The following RNF212B variants were observed in gnomAD, a reference collection of about 807,000 sequenced individuals.
RNF212B encodes ring finger protein 212B, also known as E3 ubiquitin-protein ligase RNF212B.
RNF212B carries 52 observed loss-of-function variants against 55.5 expected under a neutral mutation model. That is an observed-to-expected ratio of 0.94 (90% confidence interval 0.75 to 1.18). The LOEUF (loss-of-function observed/expected upper bound fraction) is 1.18, where lower values mean the gene tolerates loss of function less well. Among genes scored for constraint, RNF212B ranks in the 50% most tolerant of loss-of-function variants. RNF212B has a pLI of 0.00. For synonymous variants in RNF212B, 99 were observed against 121.4 expected (o/e 0.82, Z 1.21); for missense variants, 289 against 350.4 (o/e 0.82, Z 1.40).
chr14:23,237,542 C>T (rs2140429724), upstream of RNF212B, among the ~76,000 whole-genome samples: 1 of 152,270 alleles, frequency 6.6e-6, no homozygotes, highest in East Asian at 1.9e-4. Context: ...TCCGATTTTA[C>T]GCTATTCTTT....
intron 1 of RNF212B, chr14:23,185,606 AACGAT>A (rs1167977802): frequency 2.8e-5 from 2 of 71,780 alleles, no homozygotes; most frequent in Non-Finnish European, 9.0e-5. Flanking sequence ...GCAAACTGAT[AACGAT>A]ATGGTAAGCT....
intron 2 of RNF212B, among the ~76,000 whole-genome samples, chr14:23,194,845 A>G (rs1878498459): frequency 6.6e-6 from 1 of 152,088 alleles, no homozygotes; most frequent in Non-Finnish European, 1.5e-5. Context: ...ACAGATTTCT[A>G]AAGAACTGTG....
At chr14:23,235,266 C>A (rs1883020576), upstream of RNF212B, among the ~76,000 whole-genome samples, 1 of 151,912 alleles carries the variant, frequency 6.6e-6, no homozygotes, top group Non-Finnish European at 1.5e-5. Context: ...AGAAGGATCC[C>A]TTGAGCCCAG....
chr14:23,201,565 A>G (rs1464638915), intron 2 of RNF212B, among the ~76,000 whole-genome samples: 1 of 152,240 alleles, frequency 6.6e-6, no homozygotes, highest in Non-Finnish European at 1.5e-5. Context: ...TATAATTTTT[A>G]TACCAAATAA....
At chr14:23,247,032 C>T (rs1008334985) in intron 4 of RNF212B, among the ~76,000 whole-genome samples, 8 of 151,560 alleles carry the variant, frequency 5.3e-5, no homozygotes, top group African/African-American at 1.2e-4. Flanking sequence ...CCCAGCTACT[C>T]GGGAGGCTGA....
chr14:23,262,675 C>T lies in RNF212B; in HGVS notation c.445C>T (p.Pro149Ser). 3 of 1,550,348 alleles carry T rather than the reference C, an allele frequency of 1.9e-6. No homozygotes were observed. In the African/African-American group the frequency reaches 4.1e-5, roughly 21 times the overall value. The stretch of plus-strand genomic sequence containing the variant: ...TTTTTTCCCTTGCAGGTCAATCACA[C>T]CTCGACCAGTGGGCATTACTTCCCC... The part of the protein sequence containing the change: ...SRYQGSRSIT[P>S]RPVGITSPSQ... The change falls in exon 8 of 15, where the codon CCT becomes TCT. Residue 149 changes from proline (P) to serine (S), a missense_variant. By Grantham distance (74) the Pro-to-Ser change is moderately conservative. Transcript: ENST00000430154.
intron 2 of RNF212B, among the ~76,000 whole-genome samples, chr14:23,214,081 T>C (rs988242435): frequency 6.6e-6 from 1 of 152,162 alleles, no homozygotes; most frequent in Non-Finnish European, 1.5e-5. Flanking sequence ...TGTAATGTAA[T>C]CCATAGGCAA....
intron 2 of RNF212B, among the ~76,000 whole-genome samples, chr14:23,199,223 G>A (rs1232711391): frequency 1.3e-5 from 2 of 152,214 alleles, no homozygotes; most frequent in African/African-American, 4.8e-5. Context: ...ATACATTTTA[G>A]GGAGGCATGA....
chr14:23,206,098 G>A (rs545652728), intron 2 of RNF212B, among the ~76,000 whole-genome samples: 156 of 151,362 alleles, frequency 1.0e-3, no homozygotes, highest in South Asian at 4.0e-3. Context: ...TTTTTGAGAC[G>A]GAGTCTTGCT....
chr14:23,232,940 G>A (rs1202485962), upstream of RNF212B, among the ~76,000 whole-genome samples: 3 of 152,174 alleles, frequency 2.0e-5, no homozygotes, highest in Non-Finnish European at 4.4e-5. Context: ...GGGCCATGAT[G>A]ACGATGGTGG....
At chr14:23,248,481 G>A (rs1411145724) in intron 4 of RNF212B, among the ~76,000 whole-genome samples, 3 of 113,954 alleles carry the variant, frequency 2.6e-5, no homozygotes, top group East Asian at 5.4e-4. Flanking sequence ...TTGCTCTGTC[G>A]CCCAGACTGG....
At chr14:23,237,319 G>A (rs558810840), upstream of RNF212B, among the ~76,000 whole-genome samples, 16 of 151,996 alleles carry the variant, frequency 1.1e-4, no homozygotes, top group Non-Finnish European at 1.9e-4. Flanking sequence ...TAGTAGAAGC[G>A]GGGTTTCGCC....
At chr14:23,231,791 C>T (rs1026163587) in intron 2 of RNF212B, among the ~76,000 whole-genome samples, 35 of 152,296 alleles carry the variant, frequency 2.3e-4, no homozygotes, top group Non-Finnish European at 3.7e-4. Context: ...AGGCACGCGC[C>T]GCCACGCCTG....
At chr14:23,251,685 G>A (rs1395966977) in intron 4 of RNF212B, among the ~76,000 whole-genome samples, 2 of 151,924 alleles carry the variant, frequency 1.3e-5, no homozygotes, top group South Asian at 2.1e-4. Flanking sequence ...GTGTGGTGGC[G>A]GGCGCCTGTA....
chr14:23,251,646 C>T lies in RNF212B; in HGVS notation c.229-6903C>T, dbSNP rs189853607. Reference sequence around the variant, plus strand: ...GCCTGGCCAACATGGTGAAACCCTGCCTCTACTAAAAATACCAAAAGTAGA... The same window carrying T: ...GCCTGGCCAACATGGTGAAACCCTGTCTCTACTAAAAATACCAAAAGTAGA... On this transcript the variant is annotated intron_variant, in intron 4 of 14. Coordinates refer to ENST00000430154, the MANE Select transcript of RNF212B (RefSeq NM_001282322.3). 6.6e-3 allele frequency among the ~76,000 whole-genome samples: 998 copies of T among 152,050 alleles called. 12 individuals carry two copies. The highest frequency in any genetic ancestry group is 0.023 in the African/African-American group (937 of 41,496).
rs1878919199 is a variant in RNF212B, at chr14:23,198,143, G to A, written c.-2+4742G>A. On this transcript the variant is annotated intron_variant, in intron 2 of 15. Transcript: ENST00000399910. ...CAGGGGATGCGATGGCCTGGCCTGGGCTCAGAGGCCTGACATTCCTGCCTT... is the reference window on the plus strand; with the variant it reads ...CAGGGGATGCGATGGCCTGGCCTGGACTCAGAGGCCTGACATTCCTGCCTT... 2.0e-5 allele frequency among the ~76,000 whole-genome samples: 3 copies of A among 152,244 alleles called. 1 individual carries two copies. The highest frequency in any genetic ancestry group is 4.4e-5 in the Non-Finnish European group (3 of 68,022).
At chr14:23,240,886 A>G (rs1883520215) in intron 2 of RNF212B, among the ~76,000 whole-genome samples, 1 of 152,238 alleles carries the variant, frequency 6.6e-6, no homozygotes, top group South Asian at 2.1e-4. Context: ...GCAGTTTCAT[A>G]TCAACCAATT....
At chr14:23,254,159 C>A (rs897608030) in intron 4 of RNF212B, among the ~76,000 whole-genome samples, 3 of 151,858 alleles carry the variant, frequency 2.0e-5, no homozygotes, top group Admixed American at 2.0e-4. Context: ...GTGGCATGCA[C>A]CTGTTGTCCC....
At chr14:23,222,493 A>G (rs2140407484) in intron 2 of RNF212B, among the ~76,000 whole-genome samples, 1 of 152,296 alleles carries the variant, frequency 6.6e-6, no homozygotes, top group South Asian at 2.1e-4. Context: ...GTCACAATAA[A>G]AAGTCTCCCA....
Sources: gnomAD v4.1 joint callset for allele counts (sites outside exome capture counted in the v4.1 genomes callset) on GRCh38, gnomAD v4.1.1 for gene constraint, MANE v1.5 for transcripts, NCBI Gene and HGNC (gene_info 2026-07-23, HGNC 2026-07-21) for gene names.